Variants in MMP20 observed in about 807,000 individuals in gnomAD.
The protein encoded by MMP20 is matrix metalloproteinase-20.
In MMP20, 50 loss-of-function variants were observed where a neutral mutation model predicts 51.8. That is an observed-to-expected ratio of 0.97 (90% CI 0.77 to 1.22). The LOEUF (loss-of-function observed/expected upper bound fraction) is 1.22, where lower values mean the gene tolerates loss of function less well. MMP20 is among the 50% of genes most tolerant of loss of function. The pLI is 0.00. For synonymous variants in MMP20, 244 were observed against 216.2 expected (o/e 1.13, Z -1.13); for missense variants, 663 against 601.4 (o/e 1.10, Z -1.07).
intron 6 of MMP20, among the ~76,000 whole-genome samples, chr11:102,599,107 G>A (rs575527923): frequency 2.3e-4 from 35 of 151,344 alleles, no homozygotes; most frequent in Non-Finnish European, 4.0e-4. Flanking sequence ...CTGCCTCCTG[G>A]GTTCAAACGA....
chr11:102,592,900 C>A (rs886260907), intron 8 of MMP20, among the ~76,000 whole-genome samples: 2 of 152,216 alleles, frequency 1.3e-5, no homozygotes, highest in African/African-American at 4.8e-5. Flanking sequence ...TCATACGAAG[C>A]CCCTGAGGAC....
Position 102,609,094 on chromosome 11 carries a change from A to G in MMP20, c.654T>C (p.Phe218=). 6 of 1,614,206 alleles carry G rather than the reference A, an allele frequency of 3.7e-6. No homozygotes were observed. Among genetic ancestry groups the G allele is most frequent in the Non-Finnish European group, 5.1e-6 (6 of 1,180,004 alleles). The change falls in exon 5 of 10, where the codon TTT becomes TTC. Residue 218 remains phenylalanine, a synonymous_variant. Coordinates refer to ENST00000260228, the MANE Select transcript of MMP20 (RefSeq NM_004771.4). ...CATGAGCAGCAACGGTAAACAAATTAAAACCTAGACAATATGAGAGAGAAA... is the reference window on the plus strand; with the variant it reads ...CATGAGCAGCAACGGTAAACAAATTGAAACCTAGACAATATGAGAGAGAAA... ...AEKWTMGTNG[F]NLFTVAAHEF...
Position 102,578,792 on chromosome 11 carries a change from C to CAA in MMP20, c.1351+245_1351+246dup, listed in dbSNP as rs141523340. Among the ~76,000 whole-genome samples, 36,484 of 136,508 alleles carry CAA rather than the reference C, an allele frequency of 0.27. 4,845 individuals carry two copies. Among genetic ancestry groups the CAA allele is most frequent in the African/African-American group, 0.4 (14,890 of 37,086 alleles). 89.6% of individuals were successfully genotyped at this position (136,508 alleles called of 152,430 possible). ...AAACAAAAAACAAAACACACACACACAAAAACAAAAACAAACAAACAAACA... is the reference window on the plus strand; with the variant it reads ...AAACAAAAAACAAAACACACACACACAAAAAAACAAAAACAAACAAACAAACA... On this transcript the variant is annotated intron_variant, in intron 9 of 9. Transcript: ENST00000260228.
At chr11:102,598,645 T>C (rs1859411039) in intron 6 of MMP20, among the ~76,000 whole-genome samples, 1 of 152,224 alleles carries the variant, frequency 6.6e-6, no homozygotes, top group South Asian at 2.1e-4. Context: ...CTCTGATAAC[T>C]TTCACCTGGC....
intron 1 of MMP20, among the ~76,000 whole-genome samples, chr11:102,623,815 G>C (rs1859781914): frequency 1.3e-5 from 2 of 152,180 alleles, no homozygotes. Flanking sequence ...TCCTTCTGGA[G>C]GTCACAAAAC....
chr11:102,606,028 T>C (rs568706676), intron 6 of MMP20, among the ~76,000 whole-genome samples: 8 of 152,314 alleles, frequency 5.3e-5, no homozygotes, highest in African/African-American at 1.7e-4. Context: ...TGATCATCCA[T>C]CCATCCATCC....
chr11:102,595,354 A>T (rs1758728416), intron 6 of MMP20, among the ~76,000 whole-genome samples: 1 of 152,196 alleles, frequency 6.6e-6, no homozygotes, highest in Admixed American at 6.5e-5. Context: ...TGTTCAAAAT[A>T]ATGAAAGAAT....
intron 6 of MMP20, among the ~76,000 whole-genome samples, chr11:102,599,281 A>G (rs1041243529): frequency 6.6e-6 from 1 of 152,048 alleles, no homozygotes; most frequent in African/African-American, 2.4e-5. Flanking sequence ...CGGCTTCCCA[A>G]AGTGCTGGGA....
intron 3 of MMP20, among the ~76,000 whole-genome samples, chr11:102,611,021 G>A (rs1187905619): frequency 6.6e-6 from 1 of 152,190 alleles, no homozygotes; most frequent in Admixed American, 6.5e-5. Flanking sequence ...TCTCTTCTGG[G>A]AGGAATAGGA....
chr11:102,606,835 G>C lies in MMP20; in HGVS notation c.812-159C>G, dbSNP rs1859524825. 3.7e-6 allele frequency: 3 copies of C among 804,904 alleles called. No individual in the cohort carries two copies. The South Asian group carries it at 4.6e-5, about 12-fold the overall frequency. The allele number at this position is 804,904 out of a possible 1,614,324, so 49.9% of individuals were successfully genotyped here. On this transcript the variant is annotated intron_variant, in intron 5 of 9. Coordinates refer to ENST00000260228, the MANE Select transcript of MMP20 (RefSeq NM_004771.4). ...TATGGGTTTGAGTCCCGGCTCTCCT[G>C]GTTGCTGAGCTGTGTGATTTGAGGC...
intron 6 of MMP20, among the ~76,000 whole-genome samples, chr11:102,597,781 T>C (rs1859399699): frequency 2.0e-5 from 3 of 152,204 alleles, no homozygotes; most frequent in African/African-American, 2.4e-5. Flanking sequence ...CTTTTCTTTT[T>C]TTTGAGATGG....
At chr11:102,615,646 C>A (rs1040626696) in intron 2 of MMP20, among the ~76,000 whole-genome samples, 1 of 152,194 alleles carries the variant, frequency 6.6e-6, no homozygotes, top group Non-Finnish European at 1.5e-5. Flanking sequence ...TCAGGCTGCC[C>A]CTCCAGCTCA....
chr11:102,586,123 T>C (rs1565389786), intron 8 of MMP20, among the ~76,000 whole-genome samples: 1 of 152,212 alleles, frequency 6.6e-6, no homozygotes, highest in African/African-American at 2.4e-5. Flanking sequence ...GTGAGTTAGG[T>C]AGTGTTTTCC....
At chr11:102,592,243 G>A (rs528288692) in intron 8 of MMP20, among the ~76,000 whole-genome samples, 15 of 152,260 alleles carry the variant, frequency 9.9e-5, no homozygotes, top group Middle Eastern at 3.4e-3. Context: ...CTGTCATCAT[G>A]TTTTAAAAAG....
chr11:102,606,022 C>A (rs1397873260), intron 6 of MMP20, among the ~76,000 whole-genome samples: 2 of 152,190 alleles, frequency 1.3e-5, no homozygotes, highest in African/African-American at 4.8e-5. Context: ...TCCATCTGAT[C>A]ATCCATCCAT....
intron 6 of MMP20, among the ~76,000 whole-genome samples, chr11:102,597,622 A>G (rs1025164994): frequency 3.3e-5 from 5 of 152,206 alleles, no homozygotes; most frequent in African/African-American, 1.2e-4. Flanking sequence ...AACACAACTA[A>G]GACTTATCTG....
intron 6 of MMP20, among the ~76,000 whole-genome samples, chr11:102,605,910 G>T (rs1049394362): frequency 1.3e-5 from 2 of 152,144 alleles, no homozygotes; most frequent in Admixed American, 1.3e-4. Flanking sequence ...ACCAGAGTTG[G>T]GGGAGAAGAG....
chr11:102,584,085 G>T (rs1357450102), intron 8 of MMP20, among the ~76,000 whole-genome samples: 1 of 152,116 alleles, frequency 6.6e-6, no homozygotes, highest in Non-Finnish European at 1.5e-5. Context: ...ATGCTGCTAT[G>T]AATATTTGTA....
chr11:102,597,732 G>C (rs911735446), intron 6 of MMP20, among the ~76,000 whole-genome samples: 4 of 152,124 alleles, frequency 2.6e-5, no homozygotes, highest in Non-Finnish European at 5.9e-5. Context: ...AGAAATAAAT[G>C]CTATCCATCA....
Sources: gnomAD v4.1 joint callset for allele counts (sites outside exome capture counted in the v4.1 genomes callset) on GRCh38, gnomAD v4.1.1 for gene constraint, MANE v1.5 for transcripts, NCBI Gene and HGNC (gene_info 2026-07-23, HGNC 2026-07-21) for gene names.